Variants in HDAC4 observed in about 807,000 individuals in gnomAD.
The protein encoded by HDAC4 is histone deacetylase A.
In HDAC4, 16 loss-of-function variants were observed where a neutral mutation model predicts 135.1. The observed-to-expected ratio is 0.12, with a 90% CI of 0.08 to 0.18. The LOEUF (loss-of-function observed/expected upper bound fraction) is 0.18. Ranked by LOEUF, HDAC4 falls within the 10% of genes least tolerant of loss-of-function variation. HDAC4 has a pLI of 1.00. For missense variants in HDAC4, 1,143 were observed against 1,511.8 expected (o/e 0.76, Z 4.05); for synonymous variants, 685 against 653.4 (o/e 1.05, Z -0.74).
At chr2:239,342,242 G>A (rs1416994650) in intron 2 of HDAC4, among the ~76,000 whole-genome samples, 2 of 151,778 alleles carry the variant, frequency 1.3e-5, no homozygotes, top group Non-Finnish European at 1.5e-5. Context: ...AAAAAAACTG[G>A]CTCCAATCAC....
At chr2:239,092,768 C>T (rs942722016) in intron 17 of HDAC4, among the ~76,000 whole-genome samples, 7 of 152,208 alleles carry the variant, frequency 4.6e-5, no homozygotes, top group African/African-American at 1.4e-4. Context: ...AGCGCCACCA[C>T]TGAGCAATAG....
At position 239,306,257 on chromosome 2, in the gene HDAC4, C is replaced by T. The variant is rs931178118; in HGVS notation, c.22+46421G>A. ...CCCATCTTTTCATACATTTAGAAGG[C>T]AAAAAAAGTTCATCTTTCTAGTGAT... On this transcript the variant is annotated intron_variant, in intron 2 of 26. Transcript: ENST00000543185. The surrounding 1 kb of genome is among the most constrained non-coding windows in gnomAD (Gnocchi z 4.5). Among the ~76,000 whole-genome samples the T allele has an allele frequency of 6.6e-6, 1 of 151,956 alleles. No homozygotes were observed. The highest frequency in any genetic ancestry group is 2.4e-5 in the African/African-American group (1 of 41,392).
intron 2 of HDAC4, among the ~76,000 whole-genome samples, chr2:239,301,408 C>T (rs2052253223): frequency 1.3e-5 from 2 of 152,094 alleles, no homozygotes; most frequent in African/African-American, 4.8e-5. Flanking sequence ...CAGGCGAGGC[C>T]AGTGATGCCA....
intron 1 of HDAC4, among the ~76,000 whole-genome samples, chr2:239,387,015 ACGTGTGTGCAGATGTCTGTC>A (rs1424455805): frequency 6.6e-6 from 1 of 152,266 alleles, no homozygotes; most frequent in Non-Finnish European, 1.5e-5. Context: ...GTGCGTGAGC[ACGTGTGTGCAGATGTCTGTC>A]CGTGCGTCTA....
intron 2 of HDAC4, among the ~76,000 whole-genome samples, chr2:239,338,548 A>G (rs1208872267): frequency 6.6e-6 from 1 of 152,204 alleles, no homozygotes; most frequent in Non-Finnish European, 1.5e-5. Context: ...GTTTATTCAC[A>G]CTGAGCTTTT....
chr2:239,116,640 T>A (rs1031258457), intron 12 of HDAC4, among the ~76,000 whole-genome samples: 1 of 152,220 alleles, frequency 6.6e-6, no homozygotes, highest in African/African-American at 2.4e-5. Context: ...AACGGGCCAG[T>A]GGACCTGGTC....
chr2:239,099,733 A>G (rs1019970380), intron 16 of HDAC4, among the ~76,000 whole-genome samples: 3 of 152,082 alleles, frequency 2.0e-5, no homozygotes, highest in African/African-American at 7.2e-5. Flanking sequence ...TCTTCTCCCC[A>G]AGGAGCGCGT....
At chr2:239,325,419 G>T (rs1396025593) in intron 2 of HDAC4, among the ~76,000 whole-genome samples, 2 of 152,146 alleles carry the variant, frequency 1.3e-5, no homozygotes, top group African/African-American at 2.4e-5. Flanking sequence ...GACGTGAAGA[G>T]ACATTTATCC....
At position 239,203,879 on chromosome 2, in the gene HDAC4, G is replaced by A. The variant is rs535001233; in HGVS notation, c.95-13802C>T. Among the ~76,000 whole-genome samples, 13 of 152,292 alleles carry A rather than the reference G, an allele frequency of 8.5e-5. No individual in the cohort carries two copies. The South Asian group carries it at 2.5e-3, about 29-fold the overall frequency. ...TCGAGTAGGACTCAGAAACACTCCCGCTTCATAAGGCACCAAGAAAATAGG... is the reference window on the plus strand; with the variant it reads ...TCGAGTAGGACTCAGAAACACTCCCACTTCATAAGGCACCAAGAAAATAGG... On this transcript the variant is annotated intron_variant, in intron 3 of 26. Coordinates refer to ENST00000543185, the MANE Select transcript of HDAC4 (RefSeq NM_001378414.1).
chr2:239,092,894 T>C (rs1321878270), intron 17 of HDAC4, among the ~76,000 whole-genome samples: 3 of 152,014 alleles, frequency 2.0e-5, no homozygotes, highest in African/African-American at 7.2e-5. Context: ...CTCTCTCGCT[T>C]CTCTCCTCTC....
intron 1 of HDAC4, among the ~76,000 whole-genome samples, chr2:239,382,117 G>C (rs1293726544): frequency 1.3e-5 from 2 of 152,240 alleles, no homozygotes; most frequent in Non-Finnish European, 2.9e-5. Context: ...CGACAGCACA[G>C]ACTCACACCA....
intron 6 of HDAC4, among the ~76,000 whole-genome samples, chr2:239,162,527 G>T (rs2042872007): frequency 6.6e-6 from 1 of 152,204 alleles, no homozygotes; most frequent in Non-Finnish European, 1.5e-5. Flanking sequence ...ACAGATCGGG[G>T]TCTCCCCCAA....
At chr2:239,375,404 C>T (rs563655044) in intron 1 of HDAC4, among the ~76,000 whole-genome samples, 1 of 151,878 alleles carries the variant, frequency 6.6e-6, no homozygotes, top group Non-Finnish European at 1.5e-5. Flanking sequence ...ACCGGGCCAG[C>T]GAGGATGCCT....
chr2:239,208,244 G>A (rs56316826), intron 3 of HDAC4, among the ~76,000 whole-genome samples: 9,071 of 147,946 alleles, frequency 0.061, 925 homozygotes, highest in African/African-American at 0.21. Context: ...GGAGAATGGC[G>A]TGAACCCGGG....
At chr2:239,061,385 G>A (rs1284803756) in intron 24 of HDAC4, among the ~76,000 whole-genome samples, 5 of 151,350 alleles carry the variant, frequency 3.3e-5, no homozygotes, top group South Asian at 2.1e-4. Flanking sequence ...GTGGGTGTGC[G>A]TGTGTGTGGT....
chr2:239,139,533 G>T lies in HDAC4; in HGVS notation c.978+151C>A, dbSNP rs77796714. 3 of 761,824 alleles carry T rather than the reference G, an allele frequency of 3.9e-6. No homozygotes were observed. Among genetic ancestry groups the T allele is most frequent in the Non-Finnish European group, 7.1e-6 (3 of 420,340 alleles). 47.2% of individuals were successfully genotyped at this position (761,824 alleles called of 1,614,324 possible). On this transcript the variant is annotated intron_variant, in intron 9 of 26. Coordinates refer to ENST00000543185, the MANE Select transcript of HDAC4 (RefSeq NM_001378414.1). This position sits in a 1 kb window ranked among gnomAD's most constrained non-coding sequence, Gnocchi z 5.3. The stretch of plus-strand genomic sequence containing the variant: ...AGGCAGGAGAGTAACCTCCAACTGC[G>T]TCCTTTTTAGGATGGCTCACAGGCC...
At chr2:239,269,318 CACATTCACACACCCACAT>C (rs2049932128) in intron 2 of HDAC4, among the ~76,000 whole-genome samples, 6 of 143,864 alleles carry the variant, frequency 4.2e-5, no homozygotes, top group Admixed American at 6.7e-5. Flanking sequence ...CACACCCACA[CACATTCACACACCCACAT>C]ACATTCACAC....
chr2:239,324,977 C>T (rs1023938476), intron 2 of HDAC4, among the ~76,000 whole-genome samples: 2 of 152,212 alleles, frequency 1.3e-5, no homozygotes. Flanking sequence ...TGCTCTCTTA[C>T]AGCAGCTAAA....
chr2:239,089,823 T>C, intron 18 of HDAC4, 186 bp downstream of exon 18: 1 of 622,748 alleles, frequency 1.6e-6, no homozygotes, highest in South Asian at 1.8e-5. Context: ...ACATACCCTA[T>C]CACAAATGTG....
Sources: allele counts gnomAD v4.1 joint callset (sites outside exome capture counted in the v4.1 genomes callset), GRCh38; gene constraint gnomAD v4.1.1; non-coding constraint Gnocchi (gnomAD v3.1); transcripts MANE v1.5; gene names NCBI Gene and HGNC (gene_info 2026-07-23, HGNC 2026-07-21).